Variants in CCSER1 observed in about 807,000 individuals in gnomAD.
CCSER1 encodes serine-rich coiled-coil domain-containing protein 1.
Under a neutral mutation model 82.0 loss-of-function variants are expected in CCSER1, and 41 were observed. The observed-to-expected ratio is 0.50, with a 90% CI of 0.39 to 0.65. The LOEUF (loss-of-function observed/expected upper bound fraction) is 0.65. Ranked by LOEUF, CCSER1 falls within the 30% of genes least tolerant of loss-of-function variation. CCSER1 has a pLI of 0.00. For missense variants in CCSER1, 1,119 were observed against 1,064.2 expected (o/e 1.05, Z -0.72); for synonymous variants, 414 against 383.9 (o/e 1.08, Z -0.92).
At chr4:90,637,432 A>C (rs1251852222) in intron 6 of CCSER1, among the ~76,000 whole-genome samples, 1 of 152,148 alleles carries the variant, frequency 6.6e-6, no homozygotes, top group Non-Finnish European at 1.5e-5. Flanking sequence ...ACAAAGATCA[A>C]ACTTGATTTA....
chr4:91,123,351 A>G (rs954252561), intron 10 of CCSER1, among the ~76,000 whole-genome samples: 11 of 151,744 alleles, frequency 7.2e-5, no homozygotes, highest in African/African-American at 2.7e-4. Flanking sequence ...ATTTACCCAA[A>G]TAGTCTACTT....
intron 9 of CCSER1, among the ~76,000 whole-genome samples, chr4:90,963,146 CTTA>C (rs1293419219): frequency 3.3e-5 from 5 of 152,002 alleles, no homozygotes; most frequent in African/African-American, 1.2e-4. Flanking sequence ...CTGAACAGCT[CTTA>C]TTATATAGTT....
chr4:90,440,559 G>T (rs1759718757), intron 4 of CCSER1, among the ~76,000 whole-genome samples: 2 of 152,176 alleles, frequency 1.3e-5, no homozygotes, highest in South Asian at 2.1e-4. Context: ...CCAGTCAAAG[G>T]TTGGACAGGC....
chr4:90,865,779 C>G (rs774510292), intron 8 of CCSER1, among the ~76,000 whole-genome samples: 1 of 151,956 alleles, frequency 6.6e-6, no homozygotes, highest in Non-Finnish European at 1.5e-5. Flanking sequence ...CCTCTCCATA[C>G]ACATTTTTTA....
intron 10 of CCSER1, among the ~76,000 whole-genome samples, chr4:91,554,410 A>C (rs544672743): frequency 6.6e-6 from 1 of 151,344 alleles, no homozygotes; most frequent in African/African-American, 2.4e-5. Flanking sequence ...ATCTAACAAT[A>C]AACTGTCAAA....
chr4:90,487,043 C>G (rs1767213098), intron 5 of CCSER1, among the ~76,000 whole-genome samples: 1 of 152,134 alleles, frequency 6.6e-6, no homozygotes, highest in South Asian at 2.1e-4. Context: ...TTCTGAGTAG[C>G]TGGGATTACA....
chr4:90,938,457 A>G (rs1731217519), intron 9 of CCSER1, among the ~76,000 whole-genome samples: 1 of 152,080 alleles, frequency 6.6e-6, no homozygotes, highest in Non-Finnish European at 1.5e-5. Flanking sequence ...GTTTGGTAAT[A>G]GAGCATGTTT....
chr4:90,233,413 A>T (rs1745066632), intron 1 of CCSER1, among the ~76,000 whole-genome samples: 1 of 152,176 alleles, frequency 6.6e-6, no homozygotes, highest in Non-Finnish European at 1.5e-5. Flanking sequence ...CATAGGTGGG[A>T]ATTGAACAAT....
chr4:90,203,075 C>T (rs1738073793), intron 1 of CCSER1, among the ~76,000 whole-genome samples: 1 of 152,132 alleles, frequency 6.6e-6, no homozygotes, highest in African/African-American at 2.4e-5. Flanking sequence ...ATGCCTACAC[C>T]TTGTCTCAAG....
At chr4:91,562,664 C>T (rs969803615) in intron 10 of CCSER1, among the ~76,000 whole-genome samples, 8 of 151,488 alleles carry the variant, frequency 5.3e-5, no homozygotes, top group African/African-American at 1.7e-4. Context: ...CATTGTTTAG[C>T]ATAGCCATTT....
chr4:91,174,504 T>C (rs34218804), intron 10 of CCSER1, among the ~76,000 whole-genome samples: 1,759 of 152,254 alleles, frequency 0.012, 19 homozygotes, highest in South Asian at 0.02. Context: ...TGCAGGTTTG[T>C]TACATAGGTA....
chr4:91,069,427 A>G (rs1322022617), intron 9 of CCSER1, among the ~76,000 whole-genome samples: 1 of 151,596 alleles, frequency 6.6e-6, no homozygotes, highest in East Asian at 1.9e-4. Context: ...TATGTTAAAA[A>G]GGGTAAATAA....
intron 7 of CCSER1, among the ~76,000 whole-genome samples, chr4:90,757,931 T>G (rs1749793996): frequency 6.8e-6 from 1 of 147,084 alleles, no homozygotes; most frequent in African/African-American, 2.5e-5. Context: ...TTGTTTCCTT[T>G]TCTTTTTTTT....
intron 10 of CCSER1, among the ~76,000 whole-genome samples, chr4:91,548,758 C>T (rs2110216814): frequency 6.6e-6 from 1 of 152,092 alleles, no homozygotes; most frequent in South Asian, 2.1e-4. Context: ...GGTAAAGTGT[C>T]TCCCCCACAC....
At chr4:90,765,070 C>G (rs925089452) in intron 7 of CCSER1, among the ~76,000 whole-genome samples, 1 of 151,512 alleles carries the variant, frequency 6.6e-6, no homozygotes, top group East Asian at 1.9e-4. Context: ...CTGCAAGTCT[C>G]TGTAAAATGC....
intron 5 of CCSER1, among the ~76,000 whole-genome samples, chr4:90,554,571 A>T (rs1041403767): frequency 6.6e-6 from 1 of 152,232 alleles, no homozygotes; most frequent in Non-Finnish European, 1.5e-5. Flanking sequence ...CATGAAGGAC[A>T]GCTCATATAT....
At chr4:90,632,909 A>G (rs1043262484) in intron 6 of CCSER1, among the ~76,000 whole-genome samples, 1 of 152,224 alleles carries the variant, frequency 6.6e-6, no homozygotes, top group African/African-American at 2.4e-5. Context: ...AAATCAATTT[A>G]CTCATTGCTG....
intron 9 of CCSER1, among the ~76,000 whole-genome samples, chr4:91,053,958 A>G (rs1194126738): frequency 6.6e-6 from 1 of 152,230 alleles, no homozygotes; most frequent in African/African-American, 2.4e-5. Context: ...CATGTGGATC[A>G]GTCCTTTGCC....
chr4:91,148,295 CA>C (rs1729748326), intron 10 of CCSER1, among the ~76,000 whole-genome samples: 1 of 151,944 alleles, frequency 6.6e-6, no homozygotes, highest in African/African-American at 2.4e-5. Context: ...CTCATTTATT[CA>C]TTGAACAAAA....
Sources: allele counts gnomAD v4.1 joint callset (sites outside exome capture counted in the v4.1 genomes callset), GRCh38; gene constraint gnomAD v4.1.1; transcripts MANE v1.5; gene names NCBI Gene and HGNC (gene_info 2026-07-23, HGNC 2026-07-21).